Variants in DOCK4 observed in about 807,000 individuals in gnomAD.
The protein encoded by DOCK4 is dedicator of cytokinesis 4.
A neutral mutation model predicts 268.1 loss-of-function variants in DOCK4; 97 were observed. The observed-to-expected ratio is 0.36, with a 90% CI of 0.31 to 0.43. The LOEUF is 0.43. Ranked by LOEUF, DOCK4 falls within the 20% of genes least tolerant of loss-of-function variation. DOCK4 has a pLI of 1.00. For missense variants in DOCK4, 2,145 were observed against 2,455.7 expected, an observed-to-expected ratio of 0.87 and a Z score of 2.67; for synonymous variants, 954 against 887.2, an observed-to-expected ratio of 1.08 and a Z score of -1.34.
At chr7:112,053,460 C>T (rs1805544816) in intron 1 of DOCK4, among the ~76,000 whole-genome samples, 1 of 152,156 alleles carries the variant, frequency 6.6e-6, no homozygotes, top group Non-Finnish European at 1.5e-5. Context: ...ACTTTGATCC[C>T]TACTTCTCAG....
chr7:111,945,226 C>T (rs1795524705), intron 9 of DOCK4, among the ~76,000 whole-genome samples: 1 of 152,258 alleles, frequency 6.6e-6, no homozygotes, highest in African/African-American at 2.4e-5. Context: ...GCTCTTGTTG[C>T]CCAGGCAGGA....
At chr7:111,818,784 C>T (rs1055150497) in intron 27 of DOCK4, among the ~76,000 whole-genome samples, 1 of 152,232 alleles carries the variant, frequency 6.6e-6, no homozygotes, top group Non-Finnish European at 1.5e-5. Flanking sequence ...GCCACATTTA[C>T]TCTGGCCACA....
intron 1 of DOCK4, among the ~76,000 whole-genome samples, chr7:112,110,752 C>G (rs1811577040): frequency 6.6e-6 from 1 of 152,140 alleles, no homozygotes. Context: ...CTCTGAGGAC[C>G]CTCCTTCAGA....
intron 16 of DOCK4, among the ~76,000 whole-genome samples, chr7:111,882,396 T>C (rs1807464729): frequency 6.6e-6 from 1 of 152,226 alleles, no homozygotes; most frequent in South Asian, 2.1e-4. Flanking sequence ...AATGCTGTAA[T>C]AATAAAGGTG....
rs1482171775 is a variant in DOCK4, at chr7:111,998,438, C to G, written c.218+10G>C. On this transcript the variant is annotated intron_variant, in intron 4 of 52. Transcript: ENST00000428084. ...AAATCCTCCAACTACTAATAAAACT[C>G]ATTTCTTACCCTTTGTTCTTTACAC... The G allele has an allele frequency of 1.3e-6, 2 of 1,562,150 alleles. No individual in the cohort carries two copies. Among genetic ancestry groups the G allele is most frequent in the South Asian group, 1.2e-5 (1 of 84,028 alleles).
At chr7:111,775,992 A>T (rs1383130875) in intron 36 of DOCK4, among the ~76,000 whole-genome samples, 1 of 152,180 alleles carries the variant, frequency 6.6e-6, no homozygotes, top group Non-Finnish European at 1.5e-5. Flanking sequence ...ATGAAGTCAG[A>T]CTCATCTCCA....
At chr7:112,097,829 T>C (rs1207357981) in intron 1 of DOCK4, among the ~76,000 whole-genome samples, 2 of 152,144 alleles carry the variant, frequency 1.3e-5, no homozygotes, top group Non-Finnish European at 2.9e-5. Context: ...TAAATCCCAA[T>C]CCTAACAGAG....
intron 5 of DOCK4, among the ~76,000 whole-genome samples, chr7:111,991,210 T>C (rs1232582623): frequency 3.3e-5 from 5 of 152,152 alleles, no homozygotes; most frequent in Non-Finnish European, 5.9e-5. Flanking sequence ...CAGGATCCCT[T>C]ATAAAGCTGA....
chr7:111,765,063 G>A, intron 39 of DOCK4, 55 bp downstream of exon 39: 1 of 806,266 alleles, frequency 1.2e-6, no homozygotes, highest in East Asian at 3.2e-5. Flanking sequence ...TAGTTTTCTT[G>A]ATTGGGATAT....
chr7:111,963,373 G>T (rs1315804797), intron 8 of DOCK4, among the ~76,000 whole-genome samples: 1 of 128,310 alleles, frequency 7.8e-6, no homozygotes, highest in Non-Finnish European at 1.6e-5. Flanking sequence ...GCCTAAGCAG[G>T]GCGAGGCATT....
At chr7:111,944,723 C>T in intron 10 of DOCK4, 88 bp downstream of exon 10, 1 of 1,242,758 alleles carries the variant, frequency 8.0e-7, no homozygotes. Flanking sequence ...CTGATTCAGA[C>T]AGCAATAAAT....
At chr7:111,924,800 G>T (rs1793460143) in intron 12 of DOCK4, among the ~76,000 whole-genome samples, 1 of 152,010 alleles carries the variant, frequency 6.6e-6, no homozygotes, top group South Asian at 2.1e-4. Flanking sequence ...AAATCTAAAA[G>T]AAAATACGAT....
At chr7:112,113,032 A>G (rs1811808318) in intron 1 of DOCK4, among the ~76,000 whole-genome samples, 3 of 152,186 alleles carry the variant, frequency 2.0e-5, no homozygotes, top group Admixed American at 1.3e-4. Flanking sequence ...GTGGATTACT[A>G]ATAGGAAAGA....
intron 36 of DOCK4, 33 bp from the exon 37 acceptor site, chr7:111,769,710 C>A: frequency 6.3e-7 from 1 of 1,597,430 alleles, no homozygotes; most frequent in Non-Finnish European, 8.6e-7. Flanking sequence ...ATGATTGAGA[C>A]AGGACCCCAA....
At chr7:111,908,623 C>T (rs557586652) in intron 13 of DOCK4, among the ~76,000 whole-genome samples, 69 of 151,990 alleles carry the variant, frequency 4.5e-4, no homozygotes, top group Non-Finnish European at 8.5e-4. Context: ...TGGTGGTTTG[C>T]TATGCCTATC....
At chr7:112,121,408 G>A (rs1454613099) in intron 1 of DOCK4, among the ~76,000 whole-genome samples, 1 of 152,124 alleles carries the variant, frequency 6.6e-6, no homozygotes, top group Non-Finnish European at 1.5e-5. Context: ...TTCTTACAAA[G>A]GTCCATCTCC....
intron 1 of DOCK4, among the ~76,000 whole-genome samples, chr7:112,050,644 C>CAGAGAGAG (rs142683638): frequency 2.0e-5 from 3 of 150,448 alleles, no homozygotes; most frequent in African/African-American, 7.3e-5. Context: ...AAGAGTCTGA[C>CAGAGAGAG]AGAGAGAGAG....
At chr7:111,746,046 T>C (rs1051276453) in intron 44 of DOCK4, among the ~76,000 whole-genome samples, 21 of 152,230 alleles carry the variant, frequency 1.4e-4, no homozygotes, top group Admixed American at 1.2e-3. Flanking sequence ...CTCTTATGTA[T>C]ATGCAAATAT....
chr7:112,121,859 A>T (rs1421098321), intron 1 of DOCK4, among the ~76,000 whole-genome samples: 1 of 152,164 alleles, frequency 6.6e-6, no homozygotes, highest in African/African-American at 2.4e-5. Context: ...GTGCAAAATT[A>T]TATCTGATCT....
Sources: allele counts gnomAD v4.1 joint callset (sites outside exome capture counted in the v4.1 genomes callset), GRCh38; gene constraint gnomAD v4.1.1; transcripts MANE v1.5; gene names NCBI Gene and HGNC (gene_info 2026-07-23, HGNC 2026-07-21).